Variants in ARL15 observed in about 807,000 individuals in gnomAD.
ARL15 encodes the protein ADP-ribosylation factor-like protein 15.
A neutral mutation model predicts 25.2 loss-of-function variants in ARL15; 19 were observed. The ratio of observed to expected loss-of-function variants is 0.75; its 90% CI spans 0.53 to 1.10. The LOEUF (loss-of-function observed/expected upper bound fraction) is 1.10. Ranked by LOEUF, ARL15 falls within the 50% of genes least tolerant of loss-of-function variation. The pLI, the probability that ARL15 is intolerant of heterozygous loss-of-function variation, is 0.00. For missense variants in ARL15, 220 were observed against 246.0 expected, an observed-to-expected ratio of 0.89 and a Z score of 0.71; for synonymous variants, 94 against 86.8, an observed-to-expected ratio of 1.08 and a Z score of -0.46.
intron 4 of ARL15, among the ~76,000 whole-genome samples, chr5:54,052,388 T>C (rs1579741637): frequency 6.6e-6 from 1 of 151,978 alleles, no homozygotes; most frequent in East Asian, 1.9e-4. Context: ...CCCAGAAAAG[T>C]ATTGGGGTAT....
At chr5:53,957,029 G>A (rs2112135927) in intron 4 of ARL15, among the ~76,000 whole-genome samples, 1 of 151,990 alleles carries the variant, frequency 6.6e-6, no homozygotes, top group South Asian at 2.1e-4. Context: ...GAAAAAAAAT[G>A]ATTTGAAGAA....
chr5:54,304,279 A>C (rs1200308970), intron 1 of ARL15, among the ~76,000 whole-genome samples: 1 of 152,246 alleles, frequency 6.6e-6, no homozygotes, highest in Non-Finnish European at 1.5e-5. Flanking sequence ...TGTGAACTTG[A>C]GGAAATTACA....
chr5:54,310,004 A>C (rs1561304257), intron 1 of ARL15, among the ~76,000 whole-genome samples: 1 of 152,250 alleles, frequency 6.6e-6, no homozygotes. Context: ...GCTGCTGGGC[A>C]CTTAGTGAGC....
At chr5:54,016,199 A>T (rs1029882711) in intron 4 of ARL15, among the ~76,000 whole-genome samples, 13 of 152,184 alleles carry the variant, frequency 8.5e-5, no homozygotes, top group Non-Finnish European at 1.5e-4. Flanking sequence ...CAGAGGGTAG[A>T]GAGAAAGTTC....
At chr5:54,040,660 A>G (rs1750315262) in intron 4 of ARL15, among the ~76,000 whole-genome samples, 1 of 152,212 alleles carries the variant, frequency 6.6e-6, no homozygotes, top group South Asian at 2.1e-4. Flanking sequence ...ACAGAGTTTC[A>G]GTGTTATAAT....
chr5:54,167,449 C>A (rs1046417693), intron 2 of ARL15, among the ~76,000 whole-genome samples: 1 of 152,320 alleles, frequency 6.6e-6, no homozygotes, highest in Admixed American at 6.5e-5. Context: ...GAGCACATCT[C>A]ATTTGTTTCT....
chr5:54,051,450 A>C (rs156836), intron 4 of ARL15, among the ~76,000 whole-genome samples: 43,726 of 152,068 alleles, frequency 0.29, 6,511 homozygotes, highest in African/African-American at 0.36. Flanking sequence ...ATACATACAA[A>C]AGAATACATG....
chr5:53,897,998 GAAAAT>G (rs1002219448), intron 4 of ARL15, among the ~76,000 whole-genome samples: 61 of 152,166 alleles, frequency 4.0e-4, no homozygotes, highest in African/African-American at 1.4e-3. Context: ...ATAAGCTAGA[GAAAAT>G]AAAATGTCAT....
intron 4 of ARL15, among the ~76,000 whole-genome samples, chr5:53,916,324 G>A (rs994863200): frequency 6.7e-6 from 1 of 149,916 alleles, no homozygotes; most frequent in East Asian, 2.0e-4. Flanking sequence ...AGAAAATTAG[G>A]TTCCACGATA....
At chr5:54,080,373 T>G (rs1469067954) in intron 4 of ARL15, among the ~76,000 whole-genome samples, 2 of 152,228 alleles carry the variant, frequency 1.3e-5, no homozygotes, top group African/African-American at 2.4e-5. Context: ...AGTTACTTTT[T>G]CAAGCTTTTC....
chr5:54,138,900 A>G (rs147921043), intron 3 of ARL15, among the ~76,000 whole-genome samples: 1 of 152,356 alleles, frequency 6.6e-6, no homozygotes, highest in African/African-American at 2.4e-5. Flanking sequence ...CAAATGGTCA[A>G]CAAACATGTG....
intron 4 of ARL15, among the ~76,000 whole-genome samples, chr5:53,892,504 T>C (rs1211234882): frequency 4.6e-5 from 7 of 152,212 alleles, no homozygotes; most frequent in Non-Finnish European, 8.8e-5. Flanking sequence ...AAATACACAG[T>C]GTCCATTGCA....
At chr5:54,130,378 G>A (rs566123233) in intron 3 of ARL15, among the ~76,000 whole-genome samples, 2 of 152,302 alleles carry the variant, frequency 1.3e-5, no homozygotes, top group African/African-American at 2.4e-5. Context: ...ACCCAGTGAC[G>A]ATGTGGCATC....
rs1401133844 is a variant in ARL15 at position 53,979,885 on chromosome 5, C to T, written c.463-93172G>A. Among the ~76,000 whole-genome samples the T allele has an allele frequency of 4.8e-5, 7 of 145,460 alleles. No individual in the cohort carries two copies. The East Asian group carries it at 1.0e-3, about 21-fold the overall frequency. ...TGTGTGTGTGTGTGTGTGTATGTTT[C>T]GTAGAGATGGGGTTTCACCATGTTG... On this transcript the variant is annotated intron_variant, in intron 4 of 4. Coordinates refer to ENST00000504924, the MANE Select transcript of ARL15 (RefSeq NM_019087.3).
At chr5:54,012,824 CTTTT>C (rs11296991) in intron 4 of ARL15, among the ~76,000 whole-genome samples, 1 of 135,430 alleles carries the variant, frequency 7.4e-6, no homozygotes. Context: ...ACGCTGGACT[CTTTT>C]TTTTTTTTTA....
At chr5:53,915,818 CAAGT>C (rs1394747046) in intron 4 of ARL15, among the ~76,000 whole-genome samples, 1 of 151,512 alleles carries the variant, frequency 6.6e-6, no homozygotes, top group Non-Finnish European at 1.5e-5. Flanking sequence ...ATCATTGCAG[CAAGT>C]AAGAAAGAGA....
At chr5:54,305,460 CA>C (rs762405118) in intron 1 of ARL15, among the ~76,000 whole-genome samples, 7 of 148,766 alleles carry the variant, frequency 4.7e-5, no homozygotes, top group Non-Finnish European at 7.5e-5. Flanking sequence ...AACTCTGTCA[CA>C]AAAAAAAAAT....
At chr5:54,043,894 A>G (rs1255403849) in intron 4 of ARL15, among the ~76,000 whole-genome samples, 2 of 151,494 alleles carry the variant, frequency 1.3e-5, no homozygotes, top group Non-Finnish European at 2.9e-5. Flanking sequence ...GCTGTGGTCC[A>G]TGGTCCCAGC....
chr5:53,990,934 G>T (rs927796635), intron 4 of ARL15, among the ~76,000 whole-genome samples: 1 of 151,934 alleles, frequency 6.6e-6, no homozygotes, highest in Non-Finnish European at 1.5e-5. Flanking sequence ...GGCTTATTCC[G>T]AATATCTTAA....
Sources: allele counts gnomAD v4.1 joint callset (sites outside exome capture counted in the v4.1 genomes callset), GRCh38; gene constraint gnomAD v4.1.1; transcripts MANE v1.5; gene names NCBI Gene and HGNC (gene_info 2026-07-23, HGNC 2026-07-21).